ADAMTSL3: variants seen among roughly 807,000 people sequenced by gnomAD.
ADAMTSL3 encodes the protein ADAMTS like 3.
A neutral mutation model predicts 201.7 loss-of-function variants in ADAMTSL3; 128 were observed. The ratio of observed to expected loss-of-function variants is 0.63; its 90% CI spans 0.55 to 0.73. The LOEUF (loss-of-function observed/expected upper bound fraction) is 0.73. Ranked by LOEUF, ADAMTSL3 falls within the 30% of genes least tolerant of loss-of-function variation. ADAMTSL3 has a pLI of 0.00. For synonymous variants in ADAMTSL3, 738 were observed against 748.4 expected, an observed-to-expected ratio of 0.99 and a Z score of 0.23; for missense variants, 1,990 against 2,119.6, an observed-to-expected ratio of 0.94 and a Z score of 1.20.
At chr15:83,898,386 G>A (rs2065659106) in intron 14 of ADAMTSL3, among the ~76,000 whole-genome samples, 1 of 152,018 alleles carries the variant, frequency 6.6e-6, no homozygotes, top group South Asian at 2.1e-4. Flanking sequence ...AAGAAACAGA[G>A]GAAGAAGTAG....
chr15:83,852,818 TGAGA>T (rs1304045468), intron 7 of ADAMTSL3, among the ~76,000 whole-genome samples: 1 of 152,162 alleles, frequency 6.6e-6, no homozygotes, highest in Non-Finnish European at 1.5e-5. Context: ...TTTTATATCT[TGAGA>T]GAGAGAGATT....
At chr15:83,694,177 A>G (rs1157788192) in intron 2 of ADAMTSL3, 1 of 152,196 alleles carries the variant, frequency 6.6e-6, no homozygotes, top group Non-Finnish European at 1.5e-5. Flanking sequence ...ATCCACCAGA[A>G]AACACCTCCC....
intron 7 of ADAMTSL3, among the ~76,000 whole-genome samples, chr15:83,856,481 C>A (rs1040645299): frequency 6.6e-6 from 1 of 152,056 alleles, no homozygotes; most frequent in Non-Finnish European, 1.5e-5. Context: ...CTGGCCCCCT[C>A]CTTTTTTTTA....
At chr15:83,895,941 C>A (rs919375989) in intron 13 of ADAMTSL3, among the ~76,000 whole-genome samples, 2 of 152,144 alleles carry the variant, frequency 1.3e-5, no homozygotes, top group Non-Finnish European at 2.9e-5. Context: ...GATGTGTGTA[C>A]ACTGAGAAAG....
chr15:84,010,577 A>C (rs1206291251), intron 23 of ADAMTSL3, among the ~76,000 whole-genome samples: 4 of 152,218 alleles, frequency 2.6e-5, no homozygotes, highest in Admixed American at 2.0e-4. Flanking sequence ...TTAATGCAGT[A>C]ATAATGCTAT....
At chr15:83,899,994 C>A (rs971017903) in intron 15 of ADAMTSL3, among the ~76,000 whole-genome samples, 9 of 152,174 alleles carry the variant, frequency 5.9e-5, no homozygotes, top group African/African-American at 2.2e-4. Flanking sequence ...ACTTAAGAGA[C>A]TGGGGATAAT....
chr15:84,024,225 C>A (rs1246991188), intron 26 of ADAMTSL3, among the ~76,000 whole-genome samples: 2 of 152,178 alleles, frequency 1.3e-5, no homozygotes, highest in African/African-American at 2.4e-5. Context: ...CACTGCACTC[C>A]AGCCTGGGCG....
chr15:84,020,934 A>C (rs1268043420), intron 25 of ADAMTSL3, among the ~76,000 whole-genome samples: 1 of 152,204 alleles, frequency 6.6e-6, no homozygotes, highest in Non-Finnish European at 1.5e-5. Flanking sequence ...CAGAACTCAA[A>C]TGCATCTTTA....
intron 20 of ADAMTSL3, among the ~76,000 whole-genome samples, chr15:83,979,660 G>A (rs930149500): frequency 6.6e-6 from 1 of 152,180 alleles, no homozygotes. Context: ...GATAGGAAAT[G>A]AGCTAATTAC....
At chr15:83,711,914 G>A (rs968214700) in intron 3 of ADAMTSL3, among the ~76,000 whole-genome samples, 2 of 152,124 alleles carry the variant, frequency 1.3e-5, no homozygotes, top group African/African-American at 4.8e-5. Flanking sequence ...ACACCCTATG[G>A]GTTAAGGGGT....
chr15:83,959,409 CA>C (rs979955728), intron 19 of ADAMTSL3, among the ~76,000 whole-genome samples: 3 of 151,658 alleles, frequency 2.0e-5, no homozygotes, highest in East Asian at 1.9e-4. Context: ...GAATCCATCT[CA>C]AAAAAAGGAC....
At chr15:83,773,452 A>G in intron 3 of ADAMTSL3, 71 bp from the exon 4 acceptor site, 2 of 1,520,954 alleles carry the variant, frequency 1.3e-6, no homozygotes, top group Non-Finnish European at 1.8e-6. Flanking sequence ...AAGATTTGGG[A>G]TATTTCTACC....
rs1356462952 is a variant in ADAMTSL3 at position 83,943,532 on chromosome 15, G to A, written c.2490+450G>A. 2.6e-5 allele frequency among the ~76,000 whole-genome samples: 4 copies of A among 152,186 alleles called. No homozygotes were observed. The South Asian group carries it at 8.3e-4, about 31-fold the overall frequency. On this transcript the variant is annotated intron_variant, in intron 19 of 29. Transcript: ENST00000286744. ...TTAATTTTACCCTTCATCATGGCAA[G>A]CTTGAATTAGTGCAGTGAGTAGAAT...
At chr15:84,032,734 A>T (rs2068431709) in intron 28 of ADAMTSL3, among the ~76,000 whole-genome samples, 4 of 152,172 alleles carry the variant, frequency 2.6e-5, no homozygotes, top group Admixed American at 2.6e-4. Context: ...TTTGTACTTA[A>T]TATTCTGTTG....
intron 4 of ADAMTSL3, 119 bp downstream of exon 4, chr15:83,773,769 C>T: frequency 1.5e-6 from 2 of 1,338,112 alleles, no homozygotes; most frequent in Non-Finnish European, 2.0e-6. Context: ...GTAACGTTTG[C>T]TTTGTCTAAA....
At chr15:83,896,132 A>G (rs2065609224) in intron 13 of ADAMTSL3, among the ~76,000 whole-genome samples, 1 of 152,184 alleles carries the variant, frequency 6.6e-6, no homozygotes, top group South Asian at 2.1e-4. Flanking sequence ...TGTGACCTTG[A>G]GCAAGATCCT....
Position 84,033,982 on chromosome 15 carries a change from G to A in ADAMTSL3, c.4754+2550G>A, listed in dbSNP as rs146571195. On this transcript the variant is annotated intron_variant, in intron 28 of 29. Transcript: ENST00000286744. ...ATGGAAGAAAATTCCTAGAGCTGGGGGTGAGTCAGAGTGGCAGGGAGTCAA... is the reference window on the plus strand; with the variant it reads ...ATGGAAGAAAATTCCTAGAGCTGGGAGTGAGTCAGAGTGGCAGGGAGTCAA... 7.8e-3 allele frequency among the ~76,000 whole-genome samples: 1,185 copies of A among 152,184 alleles called. 10 individuals are homozygous for A. Among genetic ancestry groups the A allele is most frequent in the Non-Finnish European group, 0.013 (857 of 68,004 alleles).
chr15:83,863,782 A>G (rs1369747504), intron 8 of ADAMTSL3, among the ~76,000 whole-genome samples: 3 of 152,164 alleles, frequency 2.0e-5, no homozygotes, highest in Admixed American at 1.3e-4. Flanking sequence ...AACTGAAGGA[A>G]ATAGAAACAC....
At chr15:83,951,119 T>A (rs1204013675) in intron 19 of ADAMTSL3, among the ~76,000 whole-genome samples, 1 of 151,990 alleles carries the variant, frequency 6.6e-6, no homozygotes, top group Non-Finnish European at 1.5e-5. Flanking sequence ...AAGCCTTCAG[T>A]TTTTCCCCAT....
Sources: allele counts gnomAD v4.1 joint callset (sites outside exome capture counted in the v4.1 genomes callset), GRCh38; gene constraint gnomAD v4.1.1; transcripts MANE v1.5; gene names NCBI Gene and HGNC (gene_info 2026-07-23, HGNC 2026-07-21).